Variants in PLEKHO2 observed in about 807,000 individuals in gnomAD.
PLEKHO2 encodes pleckstrin homology domain-containing family O member 2.
PLEKHO2 carries 20 observed loss-of-function variants against 32.7 expected under a neutral mutation model. The ratio of observed to expected loss-of-function variants is 0.61; its 90% CI spans 0.43 to 0.89. The LOEUF (loss-of-function observed/expected upper bound fraction) is 0.89. Ranked by LOEUF, PLEKHO2 falls within the 40% of genes least tolerant of loss-of-function variation. The probability of loss-of-function intolerance (pLI) is 0.00; values close to 1 mark genes in which losing one functional copy is unlikely to be tolerated. For missense variants in PLEKHO2, 568 were observed against 621.2 expected, an observed-to-expected ratio of 0.91 and a Z score of 0.91; for synonymous variants, 247 against 246.3, an observed-to-expected ratio of 1.00 and a Z score of -0.03.
intron 3 of PLEKHO2, among the ~76,000 whole-genome samples, chr15:64,855,900 T>A (rs1277658126): frequency 6.6e-6 from 1 of 151,964 alleles, no homozygotes; most frequent in Non-Finnish European, 1.5e-5. Flanking sequence ...ATTCTGTTTC[T>A]CCCCCAGCTT....
At position 64,848,631 on chromosome 15, in the gene PLEKHO2, G is replaced by C; in HGVS notation, c.51G>C (p.Gln17His). ...CCGGTGAGAAGCCTCGGGGAGCACA[G>C]ATGGTGGACAAGGCTGGCTGGATCA... ...KEAGEKPRGA[Q>H]MVDKAGWIKK... The change falls in exon 2 of 6, where the codon CAG becomes CAC. Residue 17 changes from glutamine (Q) to histidine (H), a missense_variant. Gln to His is a conservative substitution (Grantham distance 24). Transcript: ENST00000323544. 1.9e-6 allele frequency: 3 copies of C among 1,614,198 alleles called. No individual in the cohort carries two copies. The highest frequency in any genetic ancestry group is 8.5e-7 in the Non-Finnish European group (1 of 1,180,046).
chr15:64,861,468 T>A lies in PLEKHO2; in HGVS notation c.385-9T>A. The A allele has an allele frequency of 6.3e-7, 1 of 1,582,298 alleles. No individual in the cohort carries two copies. The highest frequency in any genetic ancestry group is 8.6e-7 in the Non-Finnish European group (1 of 1,164,898). ...TGGCAGGGGCTGATCTGGTTCCCCCTCCCTCCAGGTAAAGGTGGACAAGAG... is the reference window on the plus strand; with the variant it reads ...TGGCAGGGGCTGATCTGGTTCCCCCACCCTCCAGGTAAAGGTGGACAAGAG... On this transcript the variant is annotated splice_polypyrimidine_tract_variant and intron_variant, in intron 4 of 5. Transcript: ENST00000323544.
intron 3 of PLEKHO2, among the ~76,000 whole-genome samples, chr15:64,859,082 G>A (rs1195671969): frequency 6.6e-6 from 1 of 152,180 alleles, no homozygotes. Context: ...GTTCATCCCT[G>A]TTGTAGCATG....
chr15:64,859,930 G>A lies in PLEKHO2; in HGVS notation c.316G>A (p.Glu106Lys), dbSNP rs1274679671. ...DIKFQAPTGE[E>K]KESWIKALNE... ...CAAATTCCAGGCACCCACCGGGGAG[G>A]AGAAGGAATCCTGGATCAAAGCCCT... The change falls in exon 4 of 6, where the codon GAG becomes AAG. Residue 106 changes from glutamate (E) to lysine (K), a missense_variant. Glu to Lys is a moderately conservative substitution (Grantham distance 56, BLOSUM62 1). Transcript: ENST00000323544. 16 of 1,614,116 alleles carry A rather than the reference G, an allele frequency of 9.9e-6. No individual in the cohort carries two copies. Among genetic ancestry groups the A allele is most frequent in the Non-Finnish European group, 1.4e-5 (16 of 1,180,056 alleles).
chr15:64,848,703 G>A lies in PLEKHO2; in HGVS notation c.123G>A (p.Leu41=), dbSNP rs1434778047. The change falls in exon 2 of 6, where the codon CTG becomes CTA. Residue 41 remains leucine, a synonymous_variant. Transcript: ENST00000323544. Reference sequence around the variant, plus strand: ...TGGGTTTCTGGAAAGACCGATATCTGCTCCTCTGCCAGGCCCAGCTGCTGG... The same window carrying A: ...TGGGTTTCTGGAAAGACCGATATCTACTCCTCTGCCAGGCCCAGCTGCTGG... The part of the protein sequence containing the change: ...GLLGFWKDRY[L]LLCQAQLLVY... 1 of 1,614,188 alleles carries A rather than the reference G, an allele frequency of 6.2e-7. No individual in the cohort carries two copies. The highest frequency in any genetic ancestry group is 8.5e-7 in the Non-Finnish European group (1 of 1,180,030).
intron 1 of PLEKHO2, among the ~76,000 whole-genome samples, chr15:64,842,380 C>CTGTGTGTGTG (rs1282999932): frequency 6.1e-5 from 2 of 33,010 alleles, no homozygotes; most frequent in African/African-American, 1.3e-4. Context: ...TCCTGACTCT[C>CTGTGTGTGTG]TCTCTCTCTC....
intron 2 of PLEKHO2, 66 bp from the exon 3 acceptor site, chr15:64,854,855 G>C (rs1459569453): frequency 1.6e-6 from 2 of 1,243,992 alleles, no homozygotes; most frequent in Non-Finnish European, 1.2e-6. Flanking sequence ...TCTGGGACAT[G>C]AGTAGTTGAG....
rs199912171 is a variant in PLEKHO2, at chr15:64,848,607, C to G, written c.27C>G (p.Ala9=). ...CTGTGTTACAGGGTGTGAAGGAAGCCGGTGAGAAGCCTCGGGGAGCACAGA... is the reference window on the plus strand; with the variant it reads ...CTGTGTTACAGGGTGTGAAGGAAGCGGGTGAGAAGCCTCGGGGAGCACAGA... The part of the protein sequence containing the change: MEEEGVKE[A]GEKPRGAQMV... The change falls in exon 2 of 6, where the codon GCC becomes GCG. Residue 9 remains alanine, a synonymous_variant. Coordinates refer to ENST00000323544, the MANE Select transcript of PLEKHO2 (RefSeq NM_025201.5). 3.7e-6 allele frequency: 6 copies of G among 1,614,088 alleles called. No individual in the cohort carries two copies. The Admixed American group carries it at 6.7e-5, about 18-fold the overall frequency.
chr15:64,844,632 G>A (rs143490538), intron 1 of PLEKHO2, among the ~76,000 whole-genome samples: 2 of 152,190 alleles, frequency 1.3e-5, no homozygotes, highest in African/African-American at 4.8e-5. Context: ...TCTGTCCCAC[G>A]GAGTAATCTC....
At chr15:64,859,092 G>A (rs933126966) in intron 3 of PLEKHO2, among the ~76,000 whole-genome samples, 2 of 152,184 alleles carry the variant, frequency 1.3e-5, no homozygotes, top group Non-Finnish European at 2.9e-5. Context: ...GTTGTAGCAT[G>A]TGTCAGATTT....
intron 2 of PLEKHO2, among the ~76,000 whole-genome samples, chr15:64,850,786 T>G (rs1273395822): frequency 2.6e-5 from 4 of 152,244 alleles, no homozygotes; most frequent in Admixed American, 6.5e-5. Flanking sequence ...TCAATTAAGA[T>G]GTAGGTGAAG....
At chr15:64,855,277 T>C (rs964322452) in intron 3 of PLEKHO2, among the ~76,000 whole-genome samples, 7 of 151,068 alleles carry the variant, frequency 4.6e-5, no homozygotes, top group African/African-American at 1.5e-4. Flanking sequence ...CTGCTCCCCT[T>C]TTCCTCTTGC....
In PLEKHO2 at chr15:64,861,579, G is replaced by C. The variant is rs377627047; in HGVS notation, c.483+4G>C. 6.3e-7 allele frequency: 1 copy of C among 1,593,142 alleles called. No individual in the cohort carries two copies. Among genetic ancestry groups the C allele is most frequent in the Non-Finnish European group, 8.5e-7 (1 of 1,170,930 alleles). ...AACGAGAGTCCACCTGAAGGAGGTAGGGCCTTACCCAGTGTGGATGTTGGG... is the reference window on the plus strand; with the variant it reads ...AACGAGAGTCCACCTGAAGGAGGTACGGCCTTACCCAGTGTGGATGTTGGG... On this transcript the variant is annotated splice_donor_region_variant and intron_variant, in intron 5 of 5. Transcript: ENST00000323544.
chr15:64,853,279 C>CTTTTTCT (rs2084582620), intron 2 of PLEKHO2, among the ~76,000 whole-genome samples: 1 of 134,772 alleles, frequency 7.4e-6, no homozygotes, highest in African/African-American at 2.9e-5. Flanking sequence ...TTTTCTTTTT[C>CTTTTTCT]TTTTTTTTTT....
rs372986622 is a variant in PLEKHO2, at chr15:64,859,881, A to G, written c.280-13A>G. The G allele has an allele frequency of 1.2e-6, 2 of 1,609,496 alleles. No homozygotes were observed. The highest frequency in any genetic ancestry group is 1.7e-6 in the Non-Finnish European group (2 of 1,175,798). ...TAAACATCTGCCATCTACTCCATCC[A>G]TCTTGCCCACAGGTCAGCGACATCA... On this transcript the variant is annotated splice_polypyrimidine_tract_variant and intron_variant, in intron 3 of 5. Coordinates refer to ENST00000323544, the MANE Select transcript of PLEKHO2 (RefSeq NM_025201.5).
chr15:64,859,139 C>A (rs1057169588), intron 3 of PLEKHO2, among the ~76,000 whole-genome samples: 7 of 152,198 alleles, frequency 4.6e-5, no homozygotes, highest in African/African-American at 1.7e-4. Context: ...ATCCATTGTA[C>A]GTATGGACCA....
intron 1 of PLEKHO2, among the ~76,000 whole-genome samples, chr15:64,845,214 CTTTTTT>C (rs771584682): frequency 8.2e-6 from 1 of 121,288 alleles, no homozygotes; most frequent in Non-Finnish European, 1.7e-5. Context: ...GACCTGGCTT[CTTTTTT>C]TTTTTTTTTT....
chr15:64,851,833 C>T (rs891965348), intron 2 of PLEKHO2, among the ~76,000 whole-genome samples: 14 of 152,006 alleles, frequency 9.2e-5, no homozygotes, highest in African/African-American at 2.9e-4. Context: ...GGGCCAGTGG[C>T]GGTCCAGTTA....
chr15:64,849,604 C>T (rs550847585), intron 2 of PLEKHO2, among the ~76,000 whole-genome samples: 21 of 151,576 alleles, frequency 1.4e-4, no homozygotes, highest in Admixed American at 2.6e-4. Context: ...CTACCACACC[C>T]GGCTAATTTT....
Sources: gnomAD v4.1 joint callset for allele counts (sites outside exome capture counted in the v4.1 genomes callset) on GRCh38, gnomAD v4.1.1 for gene constraint, MANE v1.5 for transcripts, NCBI Gene and HGNC (gene_info 2026-07-23, HGNC 2026-07-21) for gene names.